Variants in SCRG1 observed in about 807,000 individuals in gnomAD.
The protein encoded by SCRG1 is scrapie-responsive protein 1.
SCRG1 carries 3 observed loss-of-function variants against 7.7 expected under a neutral mutation model. The ratio of observed to expected loss-of-function variants is 0.39; its 90% CI spans 0.18 to 1.01. SCRG1 has a LOEUF of 1.01. Ranked by LOEUF, SCRG1 falls within the 50% of genes least tolerant of loss-of-function variation. SCRG1 has a pLI of 0.36. For missense variants in SCRG1, 110 were observed against 117.2 expected, an observed-to-expected ratio of 0.94 and a Z score of 0.28; for synonymous variants, 46 against 41.2, an observed-to-expected ratio of 1.12 and a Z score of -0.44.
chr4:173,501,460 G>T, the SCRG1 span, among the ~76,000 whole-genome samples: 3 of 152,224 alleles, frequency 2.0e-5, no homozygotes, highest in Non-Finnish European at 4.4e-5. This position sits in a 1 kb window ranked among gnomAD's most constrained non-coding sequence, Gnocchi z 5.1. Flanking sequence ...AGCCTTCCCA[G>T]TGCGCCTGTG....
the SCRG1 span, among the ~76,000 whole-genome samples, chr4:173,451,634 TTTTATTTA>T: frequency 0.01 from 216 of 21,220 alleles, no homozygotes; most frequent in African/African-American, 0.013. Flanking sequence ...TACTTACTTA[TTTTATTTA>T]TTTATTTATT....
chr4:173,444,930 C>T, the SCRG1 span, among the ~76,000 whole-genome samples: 4 of 152,048 alleles, frequency 2.6e-5, no homozygotes, highest in African/African-American at 7.2e-5. Context: ...ATCATTTAGT[C>T]TTTTTTTTCC....
chr4:173,464,802 G>A, the SCRG1 span, among the ~76,000 whole-genome samples: 2 of 152,132 alleles, frequency 1.3e-5, no homozygotes, highest in African/African-American at 4.8e-5. Context: ...CATGTTCATC[G>A]CAGCATCATT....
At chr4:173,514,283 A>G in the SCRG1 span, among the ~76,000 whole-genome samples, 1 of 152,246 alleles carries the variant, frequency 6.6e-6, no homozygotes, top group African/African-American at 2.4e-5. Flanking sequence ...GGACTGGCTG[A>G]GCCATCAGTC....
the SCRG1 span, among the ~76,000 whole-genome samples, chr4:173,493,292 C>G: frequency 6.6e-6 from 1 of 152,080 alleles, no homozygotes; most frequent in South Asian, 2.1e-4. Context: ...GGCACTTCCC[C>G]CCTCTTGCTC....
At chr4:173,467,862 A>T in the SCRG1 span, 13 of 152,390 alleles carry the variant, frequency 8.5e-5, no homozygotes, top group East Asian at 2.5e-3. Context: ...TTTTAATTAC[A>T]AGAGGATGGG....
the SCRG1 span, among the ~76,000 whole-genome samples, chr4:173,501,563 C>G: frequency 4.6e-5 from 7 of 152,282 alleles, no homozygotes; most frequent in African/African-American, 1.7e-4. The surrounding 1 kb of genome is among the most constrained non-coding windows in gnomAD (Gnocchi z 5.1). Context: ...CTGCGGAGGT[C>G]TCTTTCAGGG....
At chr4:173,445,421 A>T in the SCRG1 span, among the ~76,000 whole-genome samples, 2 of 151,708 alleles carry the variant, frequency 1.3e-5, no homozygotes, top group Non-Finnish European at 2.9e-5. Context: ...GCCTCTACTA[A>T]ATATACAAAA....
the SCRG1 span, among the ~76,000 whole-genome samples, chr4:173,450,978 G>A: frequency 2.0e-5 from 3 of 152,122 alleles, no homozygotes; most frequent in African/African-American, 7.2e-5. Flanking sequence ...TAGGAAGGGG[G>A]AGGAGCTAAA....
At chr4:173,476,816 A>T in the SCRG1 span, among the ~76,000 whole-genome samples, 2 of 152,058 alleles carry the variant, frequency 1.3e-5, no homozygotes, top group Non-Finnish European at 2.9e-5. Context: ...GCAAGATCCC[A>T]TCTCTAAAAA....
upstream of SCRG1, among the ~76,000 whole-genome samples, chr4:173,410,916 C>G (rs1020009510): frequency 2.6e-5 from 4 of 152,168 alleles, no homozygotes; most frequent in Non-Finnish European, 4.4e-5. Context: ...TTTCCTGGCA[C>G]CCACCCATAT....
chr4:173,405,466 T>C (rs1168734824), intron 1 of SCRG1, among the ~76,000 whole-genome samples: 1 of 152,186 alleles, frequency 6.6e-6, no homozygotes, highest in African/African-American at 2.4e-5. Flanking sequence ...GTACACTCTG[T>C]GGAAGGAAGT....
the SCRG1 span, among the ~76,000 whole-genome samples, chr4:173,443,946 TGTG>T: frequency 6.5e-3 from 181 of 27,694 alleles, 1 homozygote; most frequent in African/African-American, 0.012. Context: ...GCTTGTTTTG[TGTG>T]TGTGTGTGTG....
At chr4:173,448,136 C>T in the SCRG1 span, among the ~76,000 whole-genome samples, 187 of 152,276 alleles carry the variant, frequency 1.2e-3, no homozygotes, top group African/African-American at 4.4e-3. Context: ...ACCAAAAAAA[C>T]CCATCAGGAT....
At chr4:173,451,494 C>T in the SCRG1 span, among the ~76,000 whole-genome samples, 7 of 151,866 alleles carry the variant, frequency 4.6e-5, no homozygotes, top group South Asian at 2.1e-4. Flanking sequence ...GAAGATAGCA[C>T]GTTCTCCTCA....
At chr4:173,479,118 T>C in the SCRG1 span, among the ~76,000 whole-genome samples, 2 of 151,800 alleles carry the variant, frequency 1.3e-5, no homozygotes, top group African/African-American at 4.8e-5. Flanking sequence ...TTCCACCACA[T>C]TCTACACCGC....
rs756798398 is a variant in SCRG1 at position 173,391,232 on chromosome 4, A to G, written c.183T>C (p.Asp61=). Residue 61 remains aspartate, a synonymous_variant, in exon 2 of 3, where the codon GAT becomes GAC. Transcript: ENST00000296506. ...AACAGATCATCTCACATCCCTTCCC[A>G]TCCCAGAAATGATCCTGGACATTGA... ...IDVNVQDHFW[D]GKGCEMICYC... is the part of the protein sequence containing the mutation. The G allele has an allele frequency of 6.2e-6, 10 of 1,614,142 alleles. No individual in the cohort carries two copies. Among genetic ancestry groups the G allele is most frequent in the South Asian group, 5.5e-5 (5 of 91,084 alleles).
At chr4:173,492,506 G>A in the SCRG1 span, among the ~76,000 whole-genome samples, 12 of 152,214 alleles carry the variant, frequency 7.9e-5, no homozygotes, top group East Asian at 2.3e-3. Context: ...ACCCAAGCAG[G>A]CTTGTTTCCT....
the SCRG1 span, among the ~76,000 whole-genome samples, chr4:173,497,650 C>A: frequency 3.2e-3 from 336 of 103,568 alleles, no homozygotes; most frequent in Admixed American, 4.0e-3. Flanking sequence ...AGCAAGCAAG[C>A]AAAAAAAAAA....
Sources: allele counts gnomAD v4.1 joint callset (sites outside exome capture counted in the v4.1 genomes callset), GRCh38; gene constraint gnomAD v4.1.1; non-coding constraint Gnocchi (gnomAD v3.1); transcripts MANE v1.5; gene names NCBI Gene and HGNC (gene_info 2026-07-23, HGNC 2026-07-21).